The following BANP variants were observed in gnomAD, a reference collection of about 807,000 sequenced individuals.
BANP encodes the protein BTG3 associated nuclear protein.
Under a neutral mutation model 68.1 loss-of-function variants are expected in BANP, and 11 were observed. The ratio of observed to expected loss-of-function variants is 0.16; its 90% CI spans 0.10 to 0.27. BANP has a LOEUF of 0.27. BANP is among the 10% of genes least tolerant of loss of function. The pLI, the probability that BANP is intolerant of heterozygous loss-of-function variation, is 1.00. For missense variants in BANP, 504 were observed against 722.7 expected, an observed-to-expected ratio of 0.70 and a Z score of 3.47; for synonymous variants, 329 against 303.2, an observed-to-expected ratio of 1.09 and a Z score of -0.88.
intron 1 of BANP, among the ~76,000 whole-genome samples, chr16:87,954,469 G>A (rs1359314590): frequency 6.6e-6 from 1 of 152,224 alleles, no homozygotes; most frequent in Non-Finnish European, 1.5e-5. Context: ...GGAGGAAGCT[G>A]GCGGAGAGCC....
At chr16:88,021,215 C>T (rs150889255) in intron 7 of BANP, among the ~76,000 whole-genome samples, 3 of 152,324 alleles carry the variant, frequency 2.0e-5, no homozygotes, top group East Asian at 3.9e-4. Flanking sequence ...GCTGCTGAAC[C>T]TCATGGCTTG....
intron 11 of BANP, among the ~76,000 whole-genome samples, chr16:88,052,878 C>A (rs1248071096): frequency 1.3e-5 from 2 of 151,880 alleles, no homozygotes; most frequent in Non-Finnish European, 2.9e-5. Context: ...TCACTACCAC[C>A]ACCACCTTCT....
intron 4 of BANP, among the ~76,000 whole-genome samples, chr16:87,988,827 G>T (rs1056773852): frequency 6.6e-6 from 1 of 152,198 alleles, no homozygotes; most frequent in African/African-American, 2.4e-5. Context: ...GGCTGCATCT[G>T]CTCAGAGCCA....
At chr16:88,074,874 C>T (rs775501814) in intron 13 of BANP, among the ~76,000 whole-genome samples, 1 of 152,094 alleles carries the variant, frequency 6.6e-6, no homozygotes, top group Non-Finnish European at 1.5e-5. Flanking sequence ...ATCCAGGGAA[C>T]AGTATATCGA....
rs188531052 is a variant in BANP, at chr16:87,994,388, G to A, written c.363-9907G>A. ...TGGAGCACAAGCATGGCTCCTTGGG[G>A]AGAGCAGCGTGAGGAGTTAGATCAG... is the stretch of plus-strand genomic sequence containing the variant. On this transcript the variant is annotated intron_variant, in intron 4 of 13. Transcript: ENST00000682872. 2.6e-5 allele frequency among the ~76,000 whole-genome samples: 4 copies of A among 152,254 alleles called. No individual in the cohort carries two copies. In the South Asian group the frequency reaches 8.3e-4, roughly 31 times the overall value.
intron 1 of BANP, among the ~76,000 whole-genome samples, chr16:87,971,607 G>T: frequency 1.4e-5 from 2 of 144,388 alleles, no homozygotes; most frequent in African/African-American, 2.6e-5. Flanking sequence ...GTTTTTATTG[G>T]GCTGTATCTT....
chr16:88,059,595 A>G (rs985910523), intron 11 of BANP, among the ~76,000 whole-genome samples: 3 of 151,802 alleles, frequency 2.0e-5, no homozygotes, highest in African/African-American at 7.3e-5. Flanking sequence ...GATGGCCATC[A>G]CCTCGTCTCG....
chr16:88,039,778 C>T (rs531335907), intron 11 of BANP, among the ~76,000 whole-genome samples: 1 of 143,566 alleles, frequency 7.0e-6, no homozygotes, highest in East Asian at 2.1e-4. Context: ...GTCTGGATTT[C>T]TCTGAACAAG....
chr16:87,950,051 G>T (rs1344822919), upstream of BANP, among the ~76,000 whole-genome samples: 2 of 151,904 alleles, frequency 1.3e-5, no homozygotes, highest in Non-Finnish European at 2.9e-5. Context: ...CTAATTTTTT[G>T]TATTTTTAGT....
intron 4 of BANP, among the ~76,000 whole-genome samples, chr16:87,984,930 C>G (rs1431373783): frequency 6.6e-6 from 1 of 152,232 alleles, no homozygotes; most frequent in Non-Finnish European, 1.5e-5. Context: ...TTGTGCTTGA[C>G]GAGGGGCCTT....
intron 4 of BANP, among the ~76,000 whole-genome samples, chr16:87,995,076 G>A (rs1194067211): frequency 6.6e-6 from 1 of 152,158 alleles, no homozygotes; most frequent in East Asian, 1.9e-4. Flanking sequence ...GCGTGAAAAG[G>A]TGCATCCTGT....
chr16:88,028,043 T>C (rs2077349360), intron 8 of BANP, among the ~76,000 whole-genome samples: 2 of 152,250 alleles, frequency 1.3e-5, no homozygotes, highest in Admixed American at 1.3e-4. Context: ...TTTGAGTTCA[T>C]GGCCTTAGTT....
intron 2 of BANP, among the ~76,000 whole-genome samples, chr16:87,975,998 C>A (rs1341584478): frequency 6.6e-6 from 1 of 152,090 alleles, no homozygotes; most frequent in African/African-American, 2.4e-5. Context: ...TGTGTGGTGT[C>A]ATGGAACCTT....
chr16:88,055,854 C>T (rs1419857314), intron 11 of BANP, among the ~76,000 whole-genome samples: 1 of 152,106 alleles, frequency 6.6e-6, no homozygotes, highest in African/African-American at 2.4e-5. Flanking sequence ...ATCTTGGAGA[C>T]TCTCAGTGGT....
At chr16:87,968,974 G>A (rs534972521) in intron 1 of BANP, among the ~76,000 whole-genome samples, 2 of 152,304 alleles carry the variant, frequency 1.3e-5, no homozygotes, top group African/African-American at 4.8e-5. Flanking sequence ...CCATGCCCCA[G>A]GCTGTTGTAG....
intron 1 of BANP, among the ~76,000 whole-genome samples, chr16:87,969,042 T>C (rs952733449): frequency 6.6e-6 from 1 of 152,182 alleles, no homozygotes; most frequent in Non-Finnish European, 1.5e-5. Context: ...TTCTTAAAAA[T>C]AAAGCATGTC....
intron 7 of BANP, among the ~76,000 whole-genome samples, chr16:88,025,510 C>T (rs1426488621): frequency 6.6e-6 from 1 of 152,204 alleles, no homozygotes; most frequent in East Asian, 1.9e-4. Context: ...TGAAAATGTG[C>T]TGCCGAAACC....
chr16:87,980,580 T>C (rs2063069410), intron 2 of BANP: 2 of 186,602 alleles, frequency 1.1e-5, no homozygotes, highest in South Asian at 2.0e-4. Flanking sequence ...TATCAGCACC[T>C]ATGGCAATGT....
chr16:88,046,047 C>G (rs1168083499), intron 11 of BANP, among the ~76,000 whole-genome samples: 1 of 152,250 alleles, frequency 6.6e-6, no homozygotes, highest in East Asian at 1.9e-4. Flanking sequence ...TGCACATCCT[C>G]AAAAACTGAC....
Sources: gnomAD v4.1 joint callset for allele counts (sites outside exome capture counted in the v4.1 genomes callset) on GRCh38, gnomAD v4.1.1 for gene constraint, MANE v1.5 for transcripts, NCBI Gene and HGNC (gene_info 2026-07-23, HGNC 2026-07-21) for gene names.